The following ATP7B variants were observed in gnomAD, a reference collection of about 807,000 sequenced individuals.
The protein encoded by ATP7B is copper-transporting ATPase 2.
Under a neutral mutation model 118.9 loss-of-function variants are expected in ATP7B, and 113 were observed. The ratio of observed to expected loss-of-function variants is 0.95; its 90% CI spans 0.82 to 1.11. The LOEUF is 1.11. ATP7B is among the 50% of genes most tolerant of loss of function. The pLI is 0.00. For missense variants in ATP7B, 1,867 were observed against 1,871.4 expected (o/e 1.00, Z 0.04); for synonymous variants, 777 against 727.4 (o/e 1.07, Z -1.10).
intron 1 of ATP7B, among the ~76,000 whole-genome samples, chr13:52,001,278 A>G (rs535849553): frequency 6.6e-6 from 1 of 152,284 alleles, no homozygotes; most frequent in Non-Finnish European, 1.5e-5. Flanking sequence ...CAAAAGTCAG[A>G]ATACCTATAA....
chr13:51,962,651 T>C (rs1958825304), intron 5 of ATP7B, among the ~76,000 whole-genome samples: 2 of 152,106 alleles, frequency 1.3e-5, no homozygotes, highest in African/African-American at 2.4e-5. Context: ...TTACAAGTAA[T>C]ACCAGCCTAA....
In ATP7B at chr13:51,950,328, G is replaced by A. The variant is rs768671894; in HGVS notation, c.2519C>T (p.Pro840Leu). 11 of 1,613,960 alleles carry A rather than the reference G, an allele frequency of 6.8e-6. No homozygotes were observed. The highest frequency in any genetic ancestry group is 9.3e-6 in the Non-Finnish European group (11 of 1,180,028). ...IVKVVPGGKF[P>L]VDGKVLEGNT... ...GCCTTCCAGGACTTTCCCATCCACTGGAAACTTTCCCCCAGGGACCACCTT... is the reference window on the plus strand; with the variant it reads ...GCCTTCCAGGACTTTCCCATCCACTAGAAACTTTCCCCCAGGGACCACCTT... The change falls in exon 10 of 21, where the codon CCA becomes CTA. Residue 840 changes from proline (P) to leucine (L), a missense_variant. Coordinates refer to ENST00000242839, the MANE Select transcript of ATP7B (RefSeq NM_000053.4).
intron 1 of ATP7B, among the ~76,000 whole-genome samples, chr13:51,986,018 G>A (rs941891885): frequency 6.6e-6 from 1 of 152,088 alleles, no homozygotes; most frequent in Non-Finnish European, 1.5e-5. Context: ...AGCAGCAAGC[G>A]CAAAGAAATT....
chr13:51,952,078 GA>G (rs1295252922), intron 9 of ATP7B, among the ~76,000 whole-genome samples: 1 of 152,202 alleles, frequency 6.6e-6, no homozygotes, highest in African/African-American at 2.4e-5. Flanking sequence ...TGAAGGAACA[GA>G]AAAACAGAGC....
chr13:51,989,494 T>TA (rs1952811350), intron 1 of ATP7B, among the ~76,000 whole-genome samples: 1 of 151,872 alleles, frequency 6.6e-6, no homozygotes, highest in South Asian at 2.1e-4. Flanking sequence ...TATTAACCCT[T>TA]ACTGAGAAAC....
At chr13:51,959,194 A>C (rs940167815) in intron 7 of ATP7B, 4 of 155,764 alleles carry the variant, frequency 2.6e-5, no homozygotes, top group African/African-American at 9.6e-5. Context: ...AATTGTTAAT[A>C]ATAAGTGTAC....
Position 51,958,333 on chromosome 13 carries a change from C to A in ATP7B, c.2333G>T (p.Arg778Leu), listed in dbSNP as rs28942074. ...PMLFVFIALG[R>L]WLEHLAKSKT... ...TACCTTTGCCAAGTGTTCCAGCCACCGGCCCAGGGCAATGAACACAAAGAG... is the reference window on the plus strand; with the variant it reads ...TACCTTTGCCAAGTGTTCCAGCCACAGGCCCAGGGCAATGAACACAAAGAG... The change falls in exon 8 of 21, where the codon CGG becomes CTG. Residue 778 changes from arginine (R) to leucine (L), a missense_variant. Arg to Leu is a moderately radical substitution (Grantham distance 102, BLOSUM62 -2). Transcript: ENST00000242839. 4.4e-5 allele frequency: 71 copies of A among 1,614,178 alleles called. No individual in the cohort carries two copies. The East Asian group carries it at 1.5e-3, about 35-fold the overall frequency.
Position 51,958,328 on chromosome 13 carries a change from G to A in ATP7B, c.2338C>T (p.Leu780=). 1 of 1,614,184 alleles carries A rather than the reference G, an allele frequency of 6.2e-7. No homozygotes were observed. Among genetic ancestry groups the A allele is most frequent in the Non-Finnish European group, 8.5e-7 (1 of 1,180,024 alleles). Residue 780 remains leucine, a synonymous_variant, in exon 8 of 21, where the codon CTG becomes TTG. Transcript: ENST00000242839. ...GCTGTTACCTTTGCCAAGTGTTCCA[G>A]CCACCGGCCCAGGGCAATGAACACA... ...LFVFIALGRW[L]EHLAKSKTSE... is the part of the protein sequence containing the mutation.
At chr13:51,937,227 A>G in intron 19 of ATP7B, 49 bp downstream of exon 19, 1 of 1,570,848 alleles carries the variant, frequency 6.4e-7, no homozygotes, top group Non-Finnish European at 8.8e-7. Flanking sequence ...CCTGGGAGAC[A>G]GAAGCCTTTC....
chr13:51,958,492 C>T lies in ATP7B; in HGVS notation c.2174G>A (p.Arg725Lys), dbSNP rs115227204. 206 of 1,614,222 alleles carry T rather than the reference C, an allele frequency of 1.3e-4. No individual in the cohort carries two copies. The African/African-American group carries it at 2.6e-3, about 20-fold the overall frequency. The change falls in exon 8 of 21, where the codon AGG becomes AAG. Residue 725 changes from arginine to lysine, a missense_variant. Transcript: ENST00000242839. The stretch of plus-strand genomic sequence containing the variant: ...GATGAGCACGTCCATGTTGGCTGAC[C>T]TGTGTCTCAGAGATTTGTAGGCCTG... The part of the protein sequence containing the change: ...YVQAYKSLRH[R>K]SANMDVLIVL...
Position 51,946,415 on chromosome 13 carries a change from T to A in ATP7B, c.2929A>T (p.Thr977Ser). The A allele has an allele frequency of 6.2e-7, 1 of 1,614,138 alleles. No homozygotes were observed. Among genetic ancestry groups the A allele is most frequent in the Non-Finnish European group, 8.5e-7 (1 of 1,180,034 alleles). ...IIRFAFQTSI[T>S]VLCIACPCSL... is the part of the protein sequence containing the mutation. Reference sequence around the variant, plus strand: ...CAGGGGCAGGCAATGCACAGCACCGTGATGGACGTCTGGAAAGCAAACCGG... The same window carrying A: ...CAGGGGCAGGCAATGCACAGCACCGAGATGGACGTCTGGAAAGCAAACCGG... Residue 977 changes from threonine to serine, a missense_variant, in exon 13 of 21, where the codon ACG becomes TCG. By Grantham distance (58) the Thr-to-Ser change is moderately conservative (BLOSUM62 1). Transcript: ENST00000242839.
chr13:52,007,077 C>G (rs1308285547), intron 1 of ATP7B, among the ~76,000 whole-genome samples: 1 of 152,132 alleles, frequency 6.6e-6, no homozygotes, highest in Non-Finnish European at 1.5e-5. Context: ...CACAGAGAGG[C>G]CTCTGAAGAG....
upstream of ATP7B, chr13:52,012,044 A>C (rs1350772941): frequency 2.3e-6 from 1 of 432,944 alleles, no homozygotes; most frequent in Non-Finnish European, 4.3e-6. Context: ...CGCTGTGCGC[A>C]AAGGCCAGCC....
Position 51,946,467 on chromosome 13 carries a change from C to T in ATP7B, c.2877G>A (p.Lys959=). The T allele has an allele frequency of 6.2e-7, 1 of 1,614,204 alleles. No homozygotes were observed. The highest frequency in any genetic ancestry group is 8.5e-7 in the Non-Finnish European group (1 of 1,180,026). The change falls in exon 13 of 21, where the codon AAG becomes AAA. Residue 959 remains lysine, a synonymous_variant. Transcript: ENST00000242839. Reference sequence around the variant, plus strand: ...TGATCACCTCTGTCTGGGAGATGTGCTTGTTGGGGTTCTGAAAACAGGACA... The same window carrying T: ...TGATCACCTCTGTCTGGGAGATGTGTTTGTTGGGGTTCTGAAAACAGGACA... The part of the protein sequence containing the change: ...VVQRYFPNPN[K]HISQTEVIIR...
intron 17 of ATP7B, among the ~76,000 whole-genome samples, chr13:51,937,991 C>T (rs888907076): frequency 2.0e-5 from 3 of 152,136 alleles, no homozygotes; most frequent in Admixed American, 1.3e-4. Context: ...AGCATCCGTC[C>T]GGCCATGTCC....
At chr13:51,973,082 T>C (rs1287677070) in intron 2 of ATP7B, among the ~76,000 whole-genome samples, 2 of 152,192 alleles carry the variant, frequency 1.3e-5, no homozygotes, top group African/African-American at 4.8e-5. Context: ...TTCTCTTATA[T>C]TCATCAAACA....
chr13:52,007,095 T>C (rs1213494123), intron 1 of ATP7B, among the ~76,000 whole-genome samples: 1 of 151,916 alleles, frequency 6.6e-6, no homozygotes, highest in Non-Finnish European at 1.5e-5. Context: ...GAGAAAACAA[T>C]GTGGAGAAAT....
chr13:51,994,259 G>A (rs1953082240), intron 1 of ATP7B, among the ~76,000 whole-genome samples: 1 of 152,180 alleles, frequency 6.6e-6, no homozygotes, highest in East Asian at 1.9e-4. Context: ...ACAGTTTAAA[G>A]AGACATAAAA....
At chr13:51,942,334 G>GT in intron 15 of ATP7B, 52 bp downstream of exon 15, 1 of 1,610,226 alleles carries the variant, frequency 6.2e-7, no homozygotes, top group Non-Finnish European at 8.5e-7. Context: ...GCTCTCTGTG[G>GT]TTTGACCCAC....
Sources: gnomAD v4.1 joint callset for allele counts (sites outside exome capture counted in the v4.1 genomes callset) on GRCh38, gnomAD v4.1.1 for gene constraint, MANE v1.5 for transcripts, NCBI Gene and HGNC (gene_info 2026-07-23, HGNC 2026-07-21) for gene names.